BNC2: variants seen among roughly 807,000 people sequenced by gnomAD.
BNC2 encodes the protein basonuclin zinc finger protein 2.
A neutral mutation model predicts 76.3 loss-of-function variants in BNC2; 20 were observed. That is an observed-to-expected ratio of 0.26 (90% confidence interval 0.18 to 0.38). The LOEUF (loss-of-function observed/expected upper bound fraction) is 0.38, where lower values mean the gene tolerates loss of function less well. Among genes scored for constraint, BNC2 ranks in the 10% least tolerant of loss-of-function variants. The pLI is 1.00. For synonymous variants in BNC2, 582 were observed against 514.8 expected, an observed-to-expected ratio of 1.13 and a Z score of -1.77; for missense variants, 1,382 against 1,399.8, an observed-to-expected ratio of 0.99 and a Z score of 0.20.
intron 3 of BNC2, among the ~76,000 whole-genome samples, chr9:16,608,955 A>G (rs770904150): frequency 9.2e-5 from 14 of 152,162 alleles, no homozygotes; most frequent in Admixed American, 2.6e-4. Context: ...AGGTTCCTAA[A>G]CATCATACCT....
Position 16,416,566 on chromosome 9 carries a change from A to G in BNC2, c.*2423T>C, listed in dbSNP as rs1440623077. On this transcript the variant is annotated 3_prime_UTR_variant, in exon 7 of 7. Transcript: ENST00000380672. ...GGGGAATTCAAAGTACAAGAAAACAAAAACGATTATTACTAATTCCTCAGC... is the reference window on the plus strand; with the variant it reads ...GGGGAATTCAAAGTACAAGAAAACAGAAACGATTATTACTAATTCCTCAGC... The G allele has an allele frequency of 6.5e-5, 10 of 152,718 alleles. 1 individual carries two copies. In the Middle Eastern group the frequency reaches 0.024, roughly 366 times the overall value. 9.5% of individuals were successfully genotyped at this position (152,718 alleles called of 1,614,324 possible).
At chr9:16,565,446 T>G (rs1177293215) in intron 4 of BNC2, among the ~76,000 whole-genome samples, 1 of 152,154 alleles carries the variant, frequency 6.6e-6, no homozygotes, top group Non-Finnish European at 1.5e-5. Context: ...TTTTAGAGAT[T>G]TAGTGAAGAA....
intron 1 of BNC2, among the ~76,000 whole-genome samples, chr9:16,802,460 G>C (rs1483695755): frequency 4.6e-5 from 7 of 152,164 alleles, no homozygotes; most frequent in African/African-American, 1.2e-4. Context: ...TGCTACATTT[G>C]TACAGCAAGA....
chr9:16,842,577 T>G (rs1818859949), intron 1 of BNC2, among the ~76,000 whole-genome samples: 2 of 152,174 alleles, frequency 1.3e-5, no homozygotes, highest in Admixed American at 1.3e-4. Flanking sequence ...TCCACAGCCT[T>G]GTGAGTATAC....
chr9:16,511,482 C>A (rs1822755452), intron 5 of BNC2, among the ~76,000 whole-genome samples: 1 of 141,464 alleles, frequency 7.1e-6, no homozygotes, highest in South Asian at 2.2e-4. Flanking sequence ...GGCTGGACTG[C>A]AGTGGCTCAA....
At chr9:16,734,983 A>G (rs1281127013) in intron 2 of BNC2, among the ~76,000 whole-genome samples, 1 of 152,162 alleles carries the variant, frequency 6.6e-6, no homozygotes, top group Admixed American at 6.5e-5. Flanking sequence ...TAAAACAATC[A>G]ATGTAATACA....
intron 1 of BNC2, 93 bp downstream of exon 1, chr9:16,870,553 A>G: frequency 6.9e-7 from 1 of 1,457,060 alleles, no homozygotes; most frequent in Non-Finnish European, 9.4e-7. Context: ...GAGGGCGGAC[A>G]CGGCCCCCGG....
At chr9:16,657,991 A>G (rs957544092) in intron 3 of BNC2, among the ~76,000 whole-genome samples, 9 of 152,122 alleles carry the variant, frequency 5.9e-5, no homozygotes, top group South Asian at 2.1e-4. Flanking sequence ...AAAGGAATCA[A>G]CCCCCTAAGT....
chr9:16,463,542 C>G (rs1182201194), intron 5 of BNC2, among the ~76,000 whole-genome samples: 2 of 143,048 alleles, frequency 1.4e-5, no homozygotes, highest in Non-Finnish European at 3.0e-5. Flanking sequence ...GTGATCCGCC[C>G]GCCTCGGCCT....
At chr9:16,665,080 A>G in intron 3 of BNC2, 1 of 456,216 alleles carries the variant, frequency 2.2e-6, no homozygotes, top group Non-Finnish European at 4.4e-6. Context: ...AAATCATAGC[A>G]ACTTTCAGCC....
rs921509585 is a variant in BNC2 at position 16,797,759 on chromosome 9, T to C, written c.4-59274A>G. On this transcript the variant is annotated intron_variant, in intron 1 of 6. Transcript: ENST00000380672. Reference sequence around the variant, plus strand: ...AAACCAGCAGACCTAAGTAGTCACATATCCCCACCAAAAGTTGCCCAGGGC... The same window carrying C: ...AAACCAGCAGACCTAAGTAGTCACACATCCCCACCAAAAGTTGCCCAGGGC... 2.0e-5 allele frequency among the ~76,000 whole-genome samples: 3 copies of C among 152,100 alleles called. No individual in the cohort carries two copies. In the East Asian group the frequency reaches 5.8e-4, roughly 29 times the overall value.
At chr9:16,633,118 T>G (rs1821214230) in intron 3 of BNC2, among the ~76,000 whole-genome samples, 3 of 152,224 alleles carry the variant, frequency 2.0e-5, no homozygotes, top group Non-Finnish European at 4.4e-5. Flanking sequence ...TTTCATCTTT[T>G]TAAAATTATC....
rs565077500 is a variant in BNC2 at position 16,411,701 on chromosome 9, A to C, written c.*7288T>G. The stretch of plus-strand genomic sequence containing the variant: ...ACTGGTTCATGAAATTATTTAGCAC[A>C]GATTTGTCAACATAGACCTGTTACA... On this transcript the variant is annotated 3_prime_UTR_variant, in exon 7 of 7. Transcript: ENST00000380672. 1 of 152,772 alleles carries C rather than the reference A, an allele frequency of 6.5e-6. No homozygotes were observed. The highest frequency in any genetic ancestry group is 1.5e-5 in the Non-Finnish European group (1 of 68,028). 9.5% of individuals were successfully genotyped at this position (152,772 alleles called of 1,614,324 possible). A position where few individuals can be genotyped will look rare whatever the true frequency, so the allele number is the denominator to read the frequency against.
rs1477571247 is a variant in BNC2 at position 16,643,965 on chromosome 9, T to TG, written c.331-60881dup. ...CTTTCAGAAGAACCTATGGGAGGTG[T>TG]GGAATGGGGTAGGGCTACACCTATA... On this transcript the variant is annotated intron_variant, in intron 3 of 6. Coordinates refer to ENST00000380672, the MANE Select transcript of BNC2 (RefSeq NM_017637.6). Among the ~76,000 whole-genome samples, 5 of 152,210 alleles carry TG rather than the reference T, an allele frequency of 3.3e-5. No homozygotes were observed. In the South Asian group the frequency reaches 1.0e-3, roughly 32 times the overall value.
intron 5 of BNC2, among the ~76,000 whole-genome samples, chr9:16,518,935 T>G (rs1817526486): frequency 6.6e-6 from 1 of 152,194 alleles, no homozygotes; most frequent in Admixed American, 6.5e-5. Flanking sequence ...AGAAAACAAA[T>G]GTCTTTATCA....
At chr9:16,834,389 A>T (rs1818653753) in intron 1 of BNC2, among the ~76,000 whole-genome samples, 2 of 152,180 alleles carry the variant, frequency 1.3e-5, no homozygotes. Flanking sequence ...TAGCCACTTA[A>T]TACTCCTCCT....
intron 2 of BNC2, among the ~76,000 whole-genome samples, chr9:16,733,614 C>T (rs892638523): frequency 7.9e-5 from 12 of 152,040 alleles, no homozygotes; most frequent in African/African-American, 1.2e-4. Flanking sequence ...TACATTAACT[C>T]TGTTGGCATG....
intron 5 of BNC2, among the ~76,000 whole-genome samples, chr9:16,505,904 G>T (rs7043485): frequency 0.31 from 46,676 of 151,962 alleles, 10,191 homozygotes; most frequent in African/African-American, 0.62. Flanking sequence ...ACACAAAGTC[G>T]CATTAACCAC....
chr9:16,737,166 A>G (rs1824697118), intron 2 of BNC2, among the ~76,000 whole-genome samples: 1 of 150,204 alleles, frequency 6.7e-6, no homozygotes, highest in Non-Finnish European at 1.5e-5. Context: ...AGTGCAGTGC[A>G]CAATCATAGC....
Sources: gnomAD v4.1 joint callset for allele counts (sites outside exome capture counted in the v4.1 genomes callset) on GRCh38, gnomAD v4.1.1 for gene constraint, MANE v1.5 for transcripts, NCBI Gene and HGNC (gene_info 2026-07-23, HGNC 2026-07-21) for gene names.